KMT2A: variants seen among roughly 807,000 people sequenced by gnomAD.
KMT2A encodes histone-lysine N-methyltransferase 2A.
Under a neutral mutation model 345.3 loss-of-function variants are expected in KMT2A, and 16 were observed. That is an observed-to-expected ratio of 0.05 (90% CI 0.03 to 0.07). The LOEUF (loss-of-function observed/expected upper bound fraction) is 0.07, where lower values mean the gene tolerates loss of function less well. Among genes scored for constraint, KMT2A ranks in the 10% least tolerant of loss-of-function variants. The pLI is 1.00. For synonymous variants in KMT2A, 1,599 were observed against 1,778.6 expected, an observed-to-expected ratio of 0.90 and a Z score of 2.54; for missense variants, 3,272 against 4,841.6, an observed-to-expected ratio of 0.68 and a Z score of 9.62.
At chr11:118,450,369 G>T (rs567582552) in intron 1 of KMT2A, 1 of 152,128 alleles carries the variant, frequency 6.6e-6, no homozygotes, top group South Asian at 2.1e-4. Context: ...TCTGAAGCAG[G>T]GTGGGTGGAG....
At chr11:118,437,089 AC>A in intron 1 of KMT2A, 145 bp downstream of exon 1, 2 of 989,166 alleles carry the variant, frequency 2.0e-6, no homozygotes, top group Non-Finnish European at 1.4e-6. Flanking sequence ...CCATCTTGGG[AC>A]CCCCATGCAG....
Position 118,510,714 on chromosome 11 carries a change from G to A in KMT2A, c.11071+596G>A, listed in dbSNP as rs546249146. Reference sequence around the variant, plus strand: ...TTATTTTCTTATTCATCTTTGTATCGCAAGCATCTAAGTGTTCATCCACCT... The same window carrying A: ...TTATTTTCTTATTCATCTTTGTATCACAAGCATCTAAGTGTTCATCCACCT... On this transcript the variant is annotated intron_variant, in intron 30 of 35. Transcript: ENST00000534358. The surrounding 1 kb of genome is among the most constrained non-coding windows in gnomAD (Gnocchi z 4.1). Among the ~76,000 whole-genome samples, 4 of 152,188 alleles carry A rather than the reference G, an allele frequency of 2.6e-5. No individual in the cohort carries two copies. Among genetic ancestry groups the A allele is most frequent in the South Asian group, 2.1e-4 (1 of 4,824 alleles).
rs375049498 is a variant in KMT2A at position 118,504,035 on chromosome 11, C to T, written c.8143C>T (p.Pro2715Ser). The change falls in exon 27 of 36, where the codon CCA becomes TCA. Residue 2715 changes from proline to serine, a missense_variant. Pro to Ser is a moderately conservative substitution (Grantham distance 74). Coordinates refer to ENST00000534358, the MANE Select transcript of KMT2A (RefSeq NM_001197104.2). The surrounding 1 kb of genome is among the most constrained non-coding windows in gnomAD (Gnocchi z 6.4). ...TCGGGAGGAGGAACAGTGTGATCTTCCAAAAATCTCACAGTTGGATGGTGT... is the reference window on the plus strand; with the variant it reads ...TCGGGAGGAGGAACAGTGTGATCTTTCAAAAATCTCACAGTTGGATGGTGT... ...LFREEEQCDL[P>S]KISQLDGVDD... 1 of 1,613,960 alleles carries T rather than the reference C, an allele frequency of 6.2e-7. No homozygotes were observed. The highest frequency in any genetic ancestry group is 1.3e-5 in the African/African-American group (1 of 74,896).
Position 118,491,086 on chromosome 11 carries a change from T to C in KMT2A, c.4697-110T>C. The stretch of plus-strand genomic sequence containing the variant: ...CACAGTAGATCCATGCTGGTGTTCA[T>C]GATCCCAGAAGAATATAGATTTAGA... On this transcript the variant is annotated intron_variant, in intron 13 of 35. Transcript: ENST00000534358. The surrounding 1 kb of genome is among the most constrained non-coding windows in gnomAD (Gnocchi z 4.2). 1 of 1,112,930 alleles carries C rather than the reference T, an allele frequency of 9.0e-7. No individual in the cohort carries two copies. The highest frequency in any genetic ancestry group is 1.6e-5 in the South Asian group (1 of 62,004). The allele number at this position is 1,112,930 out of a possible 1,614,324, so 68.9% of individuals were successfully genotyped here.
At chr11:118,475,403 T>C (rs1950018429) in intron 3 of KMT2A, among the ~76,000 whole-genome samples, 1 of 152,216 alleles carries the variant, frequency 6.6e-6, no homozygotes, top group African/African-American at 2.4e-5. Context: ...CAGGTTAGGT[T>C]AAGATGGCCA....
chr11:118,497,152 G>A lies in KMT2A; in HGVS notation c.5665-784G>A, dbSNP rs1243537235. Among the ~76,000 whole-genome samples the A allele has an allele frequency of 6.6e-6, 1 of 151,996 alleles. No individual in the cohort carries two copies. Among genetic ancestry groups the A allele is most frequent in the African/African-American group, 2.4e-5 (1 of 41,384 alleles). ...CCCGAGTAGCTGGGATTACAGGCAT[G>A]TGCCACCATGCCCGGCTAATTTTGT... On this transcript the variant is annotated intron_variant, in intron 20 of 35. Transcript: ENST00000534358. The surrounding 1 kb of genome is among the most constrained non-coding windows in gnomAD (Gnocchi z 4.8).
intron 5 of KMT2A, among the ~76,000 whole-genome samples, chr11:118,479,743 C>G (rs1555038685): frequency 6.6e-6 from 1 of 152,116 alleles, no homozygotes; most frequent in Admixed American, 6.5e-5. Flanking sequence ...AAGTATATAT[C>G]AAAGCCACCA....
intron 1 of KMT2A, among the ~76,000 whole-genome samples, chr11:118,462,281 CAGT>C (rs1197085284): frequency 2.6e-4 from 39 of 152,168 alleles, no homozygotes; most frequent in African/African-American, 9.2e-4. Flanking sequence ...CCTTCTTTCC[CAGT>C]GCTTTCTCAA....
intron 11 of KMT2A, 105 bp downstream of exon 11, chr11:118,488,865 T>A: frequency 1.0e-6 from 1 of 964,264 alleles, no homozygotes; most frequent in Non-Finnish European, 1.6e-6. Flanking sequence ...AAAAAATGAG[T>A]AGTTGCCTCT....
At chr11:118,512,090 C>T (rs1472787263) in intron 31 of KMT2A, 65 bp downstream of exon 31, 1 of 1,425,948 alleles carries the variant, frequency 7.0e-7, no homozygotes, top group Non-Finnish European at 9.8e-7. Context: ...TCGCCTAAGG[C>T]AGAGTTGATT....
rs782434873 is a variant in KMT2A, at chr11:118,505,575, G to A, written c.9683G>A (p.Arg3228His). 2.7e-5 allele frequency: 43 copies of A among 1,613,870 alleles called. No homozygotes were observed. Among genetic ancestry groups the A allele is most frequent in the Non-Finnish European group, 3.6e-5 (42 of 1,179,970 alleles). Reference protein sequence around the residue: ...SSGLKKRPISRLQTRKNKKLA... With the variant: ...SSGLKKRPISHLQTRKNKKLA... ...GGACTCAAGAAAAGACCCATATCTC[G>A]TCTACAGACCCGAAAGAATAAAAAA... Residue 3228 changes from arginine to histidine, a missense_variant, in exon 27 of 36, where the codon CGT becomes CAT. This residue lies in a region of KMT2A where 748 missense variants were observed against 922.2 expected (regional missense o/e 0.81). Coordinates refer to ENST00000534358, the MANE Select transcript of KMT2A (RefSeq NM_001197104.2). The surrounding 1 kb of genome is among the most constrained non-coding windows in gnomAD (Gnocchi z 4.6).
At chr11:118,457,564 C>G (rs1293309879) in intron 1 of KMT2A, among the ~76,000 whole-genome samples, 1 of 151,924 alleles carries the variant, frequency 6.6e-6, no homozygotes. Flanking sequence ...AGCCACCATG[C>G]CTGACCGCCT....
chr11:118,468,591 A>G (rs1439566914), intron 1 of KMT2A, among the ~76,000 whole-genome samples, 184 bp from the exon 2 acceptor site: 1 of 152,164 alleles, frequency 6.6e-6, no homozygotes, highest in East Asian at 1.9e-4. Flanking sequence ...TCTGTAATAA[A>G]GCTGTATGGC....
In KMT2A at chr11:118,503,533, T is replaced by G. The variant is rs781862712; in HGVS notation, c.7641T>G (p.Pro2547=). ...QSKNALKESS[P]ASPLQIESTS... Reference sequence around the variant, plus strand: ...AAAATGCCCTGAAAGAAAGTAGTCCTGCTTCCCCTTTGCAAATAGAGTCAA... The same window carrying G: ...AAAATGCCCTGAAAGAAAGTAGTCCGGCTTCCCCTTTGCAAATAGAGTCAA... Residue 2547 remains proline (P), a synonymous_variant, in exon 27 of 36, where the codon CCT becomes CCG. Coordinates refer to ENST00000534358, the MANE Select transcript of KMT2A (RefSeq NM_001197104.2). The surrounding 1 kb of genome is among the most constrained non-coding windows in gnomAD (Gnocchi z 5.3). The G allele has an allele frequency of 6.2e-7, 1 of 1,614,164 alleles. No individual in the cohort carries two copies. Among genetic ancestry groups the G allele is most frequent in the Non-Finnish European group, 8.5e-7 (1 of 1,179,994 alleles).
At chr11:118,452,282 T>C (rs1452615043) in intron 1 of KMT2A, among the ~76,000 whole-genome samples, 2 of 152,186 alleles carry the variant, frequency 1.3e-5, no homozygotes, top group African/African-American at 4.8e-5. Context: ...ACACCTGTAA[T>C]GCCAGCACTT....
At chr11:118,483,929 G>A (rs1474104999) in intron 8 of KMT2A, among the ~76,000 whole-genome samples, 3 of 152,160 alleles carry the variant, frequency 2.0e-5, no homozygotes, top group Admixed American at 1.3e-4. Context: ...CTACTCTTGA[G>A]AAGCTGAGGC....
chr11:118,438,944 C>A, intron 1 of KMT2A: 1 of 438,748 alleles, frequency 2.3e-6, no homozygotes, highest in Non-Finnish European at 4.6e-6. Context: ...CAGCTGCAGT[C>A]AGCAGGGTTG....
rs1476909071 is a variant in KMT2A at position 118,491,504 on chromosome 11, G to A, written c.4819+186G>A. 1.3e-5 allele frequency among the ~76,000 whole-genome samples: 2 copies of A among 152,098 alleles called. No individual in the cohort carries two copies. Among genetic ancestry groups the A allele is most frequent in the African/African-American group, 2.4e-5 (1 of 41,402 alleles). On this transcript the variant is annotated intron_variant, in intron 14 of 35. Coordinates refer to ENST00000534358, the MANE Select transcript of KMT2A (RefSeq NM_001197104.2). The surrounding 1 kb of genome is among the most constrained non-coding windows in gnomAD (Gnocchi z 4.2). ...CTTATCTTGAATATATGCCTTTAAA[G>A]TATTTATTTGCTGTCCTTTGTGTGT... is the stretch of plus-strand genomic sequence containing the variant.
In KMT2A at chr11:118,502,420, T is replaced by C; in HGVS notation, c.6528T>C (p.His2176=). The change falls in exon 27 of 36, where the codon CAT becomes CAC. Residue 2176 remains histidine, a synonymous_variant. Coordinates refer to ENST00000534358, the MANE Select transcript of KMT2A (RefSeq NM_001197104.2). The surrounding 1 kb of genome is among the most constrained non-coding windows in gnomAD (Gnocchi z 4.9). ...TAGGAAGTCCTACCCCAACCACTCA[T>C]GAAATAGTCACAGTAGGTGATCCTT... is the stretch of plus-strand genomic sequence containing the variant. The part of the protein sequence containing the change: ...PSAGSPTPTT[H]EIVTVGDPLL... The C allele has an allele frequency of 6.2e-7, 1 of 1,604,964 alleles. No homozygotes were observed.
Sources: gnomAD v4.1 joint callset for allele counts (sites outside exome capture counted in the v4.1 genomes callset) on GRCh38, gnomAD v4.1.1 for gene constraint, gnomAD v4.1.1 regional missense constraint, Gnocchi (gnomAD v3.1) non-coding constraint, MANE v1.5 for transcripts, NCBI Gene and HGNC (gene_info 2026-07-23, HGNC 2026-07-21) for gene names.